SPHKAP: variants seen among roughly 807,000 people sequenced by gnomAD.
The protein encoded by SPHKAP is SPHK1 interactor, AKAP domain containing.
SPHKAP carries 67 observed loss-of-function variants against 137.5 expected under a neutral mutation model. The observed-to-expected ratio is 0.49, with a 90% CI of 0.40 to 0.60. SPHKAP has a LOEUF of 0.60. SPHKAP is among the 20% of genes least tolerant of loss of function. SPHKAP has a pLI of 0.00. For missense variants in SPHKAP, 2,097 were observed against 2,069.3 expected, an observed-to-expected ratio of 1.01 and a Z score of -0.26; for synonymous variants, 813 against 785.3, an observed-to-expected ratio of 1.04 and a Z score of -0.59.
chr2:227,990,778 T>C, intron 11 of SPHKAP: 1 of 468,280 alleles, frequency 2.1e-6, no homozygotes, highest in Non-Finnish European at 3.7e-6. Flanking sequence ...TTTACTTTTC[T>C]CACTACCACC....
At chr2:228,125,527 C>A (rs1245122594) in intron 2 of SPHKAP, among the ~76,000 whole-genome samples, 2 of 152,106 alleles carry the variant, frequency 1.3e-5, no homozygotes, top group African/African-American at 4.8e-5. Flanking sequence ...GTTACATCAC[C>A]GGCCTAACCA....
intron 11 of SPHKAP, among the ~76,000 whole-genome samples, chr2:227,988,142 T>C (rs528808433): frequency 1.3e-5 from 2 of 152,318 alleles, no homozygotes; most frequent in East Asian, 3.9e-4. Flanking sequence ...AAAAGTACTA[T>C]TGATAAAAGA....
chr2:228,123,468 G>A (rs1698975125), intron 2 of SPHKAP, among the ~76,000 whole-genome samples: 1 of 152,164 alleles, frequency 6.6e-6, no homozygotes, highest in African/African-American at 2.4e-5. Flanking sequence ...GCTCAATAAT[G>A]CTGATCTTTC....
In SPHKAP at chr2:228,017,293, T is replaced by G; in HGVS notation, c.3561A>C (p.Thr1187=). The stretch of plus-strand genomic sequence containing the variant: ...TGTAGAACTCCTCAGTGATGCTCTC[T>G]GTGCTGGACTGCTTAGAGGGACAGC... ...RPSCPSKQSS[T]ESITEEFYRY... Residue 1187 remains threonine (T), a synonymous_variant, in exon 7 of 12, where the codon ACA becomes ACC. Coordinates refer to ENST00000392056, the MANE Select transcript of SPHKAP (RefSeq NM_001142644.2). 1 of 1,614,086 alleles carries G rather than the reference T, an allele frequency of 6.2e-7. No homozygotes were observed. The highest frequency in any genetic ancestry group is 8.5e-7 in the Non-Finnish European group (1 of 1,180,026).
At chr2:228,179,580 GA>G (rs1244438168) in intron 1 of SPHKAP, among the ~76,000 whole-genome samples, 1 of 152,114 alleles carries the variant, frequency 6.6e-6, no homozygotes, top group Non-Finnish European at 1.5e-5. Flanking sequence ...TGTGGATTAA[GA>G]AGGCTAATAA....
chr2:228,153,162 G>A (rs1000163950), intron 1 of SPHKAP, among the ~76,000 whole-genome samples: 4 of 152,036 alleles, frequency 2.6e-5, no homozygotes, highest in Non-Finnish European at 5.9e-5. Context: ...AAATTACCCA[G>A]TCTCAGGTGT....
At chr2:228,126,960 C>T (rs1007228284) in intron 2 of SPHKAP, among the ~76,000 whole-genome samples, 3 of 152,168 alleles carry the variant, frequency 2.0e-5, no homozygotes, top group Admixed American at 1.3e-4. Context: ...CCAACTAATG[C>T]ATTGTCTTGA....
At chr2:228,080,707 CAAAATAAAATAAAAT>C (rs57442116) in intron 3 of SPHKAP, among the ~76,000 whole-genome samples, 22,104 of 132,918 alleles carry the variant, frequency 0.17, 2,269 homozygotes, top group Middle Eastern at 0.24. Context: ...AACTCTGTCT[CAAAATAAAATAAAAT>C]AAAATAAAAT....
chr2:228,133,121 A>G (rs1010803984), intron 1 of SPHKAP, among the ~76,000 whole-genome samples: 2 of 152,126 alleles, frequency 1.3e-5, no homozygotes, highest in Non-Finnish European at 2.9e-5. Context: ...AGCCTGGGCA[A>G]CACGGTGAAA....
rs1694661726 is a variant in SPHKAP, at chr2:228,017,666, C to A, written c.3188G>T (p.Gly1063Val). 3 of 1,613,846 alleles carry A rather than the reference C, an allele frequency of 1.9e-6. No homozygotes were observed. Among genetic ancestry groups the A allele is most frequent in the African/African-American group, 2.7e-5 (2 of 74,940 alleles). ...ACTCAGTAACCGATTCCGGGGATAG[C>A]CCTGCGCCTGCCACATGCCGTCCAC... ...SMVDGMWQAQ[G>V]YPRNRLLSGD... Residue 1063 changes from glycine to valine, a missense_variant, in exon 7 of 12, where the codon GGC becomes GTC. Coordinates refer to ENST00000392056, the MANE Select transcript of SPHKAP (RefSeq NM_001142644.2).
At chr2:228,130,490 C>T (rs551234839) in intron 2 of SPHKAP, among the ~76,000 whole-genome samples, 21 of 152,298 alleles carry the variant, frequency 1.4e-4, no homozygotes, top group African/African-American at 4.8e-4. Flanking sequence ...GAAGTAAAGT[C>T]ATGTGCTCAA....
intron 3 of SPHKAP, among the ~76,000 whole-genome samples, chr2:228,087,729 A>G (rs908990999): frequency 6.6e-6 from 1 of 152,192 alleles, no homozygotes; most frequent in African/African-American, 2.4e-5. Flanking sequence ...ACTTAAAGAG[A>G]GATTGACAGG....
At chr2:228,041,421 C>T (rs890028060) in intron 3 of SPHKAP, among the ~76,000 whole-genome samples, 1 of 151,968 alleles carries the variant, frequency 6.6e-6, no homozygotes, top group African/African-American at 2.4e-5. Flanking sequence ...GAGGCAGGTG[C>T]ATCACAGGAA....
chr2:228,177,486 C>T (rs1227457284), intron 1 of SPHKAP, among the ~76,000 whole-genome samples: 1 of 152,092 alleles, frequency 6.6e-6, no homozygotes, highest in Non-Finnish European at 1.5e-5. Context: ...TGTCCCTGTT[C>T]CTCAACTTAA....
At chr2:228,111,172 T>G (rs1299230149) in intron 2 of SPHKAP, among the ~76,000 whole-genome samples, 1 of 152,196 alleles carries the variant, frequency 6.6e-6, no homozygotes, top group Admixed American at 6.5e-5. Context: ...GCCTTTCCCT[T>G]GTATTTCAGG....
intron 3 of SPHKAP, among the ~76,000 whole-genome samples, chr2:228,082,009 C>T (rs945863004): frequency 2.6e-5 from 4 of 152,138 alleles, no homozygotes; most frequent in African/African-American, 9.7e-5. Context: ...TTAATTTAGC[C>T]TTTCCACAAT....
intron 6 of SPHKAP, among the ~76,000 whole-genome samples, chr2:228,021,461 A>G (rs1215109951): frequency 6.6e-6 from 1 of 152,196 alleles, no homozygotes; most frequent in East Asian, 1.9e-4. Context: ...TAAAGTACAC[A>G]AATTCCCTTC....
intron 11 of SPHKAP, among the ~76,000 whole-genome samples, chr2:227,989,709 G>C (rs928349555): frequency 6.6e-6 from 1 of 151,650 alleles, no homozygotes; most frequent in African/African-American, 2.4e-5. Flanking sequence ...GGGTTCAAGC[G>C]ATTCTCCTGT....
chr2:228,131,376 C>G (rs1313417803), intron 2 of SPHKAP: 1 of 891,292 alleles, frequency 1.1e-6, no homozygotes, highest in Non-Finnish European at 1.3e-6. Flanking sequence ...CGTGGACATT[C>G]TACTTCAAGT....
Sources: allele counts gnomAD v4.1 joint callset (sites outside exome capture counted in the v4.1 genomes callset), GRCh38; gene constraint gnomAD v4.1.1; transcripts MANE v1.5; gene names NCBI Gene and HGNC (gene_info 2026-07-23, HGNC 2026-07-21).